Variants in KLF12 observed in about 807,000 individuals in gnomAD.
KLF12 encodes KLF transcription factor 12.
A neutral mutation model predicts 37.8 loss-of-function variants in KLF12; 9 were observed. The observed-to-expected ratio is 0.24, with a 90% CI of 0.14 to 0.42. The LOEUF is 0.42. KLF12 is among the 10% of genes least tolerant of loss of function. The pLI is 1.00. For synonymous variants in KLF12, 208 were observed against 202.1 expected, an observed-to-expected ratio of 1.03 and a Z score of -0.25; for missense variants, 411 against 516.0, an observed-to-expected ratio of 0.80 and a Z score of 1.97.
chr13:73,944,191 G>A lies in KLF12; in HGVS notation c.34-121C>T, dbSNP rs1214925623. ...CTAACCTAATTTTTTAAACAATAAA[G>A]AATAATTAAATGAAAATATCAGCAT... On this transcript the variant is annotated intron_variant, in intron 2 of 7. Coordinates refer to ENST00000377669, the MANE Select transcript of KLF12 (RefSeq NM_007249.5). 1.1e-5 allele frequency: 7 copies of A among 650,854 alleles called. No homozygotes were observed. The Admixed American group carries it at 2.1e-4, about 19-fold the overall frequency. 40.3% of individuals were successfully genotyped at this position (650,854 alleles called of 1,614,324 possible).
At chr13:73,863,541 T>G (rs1399380154) in intron 3 of KLF12, among the ~76,000 whole-genome samples, 1 of 152,168 alleles carries the variant, frequency 6.6e-6, no homozygotes, top group Non-Finnish European at 1.5e-5. Context: ...TTGTGGTTGT[T>G]ATTTTTTGTT....
intron 1 of KLF12, among the ~76,000 whole-genome samples, chr13:74,005,342 A>T (rs574021534): frequency 2.0e-5 from 3 of 152,258 alleles, no homozygotes; most frequent in African/African-American, 7.2e-5. Flanking sequence ...CTCTATAATC[A>T]TATGTACTAA....
chr13:74,001,074 A>G (rs1195929281), intron 1 of KLF12, among the ~76,000 whole-genome samples: 1 of 152,214 alleles, frequency 6.6e-6, no homozygotes, highest in Non-Finnish European at 1.5e-5. Flanking sequence ...TAAGTACCAT[A>G]AGTACTACCA....
chr13:73,866,886 G>GC lies in KLF12; in HGVS notation c.124-20514_124-20513insG, dbSNP rs1491109026. Among the ~76,000 whole-genome samples the GC allele has an allele frequency of 1.4e-3, 185 of 129,358 alleles. 1 individual carries two copies. Among genetic ancestry groups the GC allele is most frequent in the African/African-American group, 2.3e-3 (71 of 31,216 alleles). The allele number at this position is 129,358 out of a possible 152,430, so 84.9% of individuals were successfully genotyped here. A position where few individuals can be genotyped will look rare whatever the true frequency, so the allele number is the denominator to read the frequency against. ...TGAGGTTTAAAATGTGGGGCAAAAAGGGGGGGGGGAATTTATAGAGTTAAA... is the reference window on the plus strand; with the variant it reads ...TGAGGTTTAAAATGTGGGGCAAAAAGCGGGGGGGGGAATTTATAGAGTTAAA... On this transcript the variant is annotated intron_variant, in intron 3 of 7. Transcript: ENST00000377669.
At chr13:74,044,600 A>C (rs1251701068) in intron 1 of KLF12, among the ~76,000 whole-genome samples, 1 of 152,170 alleles carries the variant, frequency 6.6e-6, no homozygotes, top group African/African-American at 2.4e-5. Context: ...TAATCCCAGC[A>C]CTTTGGGAGG....
intron 3 of KLF12, among the ~76,000 whole-genome samples, chr13:73,867,414 GTA>G (rs3079803): frequency 0.023 from 3,423 of 148,012 alleles, 119 homozygotes; most frequent in African/African-American, 0.076. Flanking sequence ...ACGTGTGTGT[GTA>G]TATATATATA....
the KLF12 span, among the ~76,000 whole-genome samples, chr13:74,147,952 C>A: frequency 6.6e-6 from 1 of 151,876 alleles, no homozygotes; most frequent in Non-Finnish European, 1.5e-5. Context: ...CACTCTGTCG[C>A]CCAGGCTGGA....
chr13:74,212,209 T>C, the KLF12 span, among the ~76,000 whole-genome samples: 3 of 152,210 alleles, frequency 2.0e-5, no homozygotes, highest in Admixed American at 6.5e-5. Context: ...TGCATTTTCA[T>C]AGAAACAACC....
At chr13:73,786,052 G>A (rs901702555) in intron 5 of KLF12, among the ~76,000 whole-genome samples, 1 of 151,788 alleles carries the variant, frequency 6.6e-6, no homozygotes, top group Non-Finnish European at 1.5e-5. Flanking sequence ...GGTGAGCAGT[G>A]TTAGGGAGTT....
At chr13:73,855,897 A>C (rs1885585596) in intron 3 of KLF12, among the ~76,000 whole-genome samples, 1 of 152,246 alleles carries the variant, frequency 6.6e-6, no homozygotes, top group African/African-American at 2.4e-5. Context: ...ATACATTCAC[A>C]TAAACCAACA....
chr13:74,190,855 A>G, the KLF12 span, among the ~76,000 whole-genome samples: 3 of 151,954 alleles, frequency 2.0e-5, no homozygotes, highest in Non-Finnish European at 4.4e-5. Context: ...GGCCATATCA[A>G]CTCTTTCTTC....
chr13:74,156,627 C>A, the KLF12 span, among the ~76,000 whole-genome samples: 67 of 151,830 alleles, frequency 4.4e-4, no homozygotes, highest in African/African-American at 1.6e-3. Context: ...CCAAACCCCC[C>A]ACTTTCCTTC....
chr13:74,088,379 C>T (rs1308670531), intron 1 of KLF12, among the ~76,000 whole-genome samples: 1 of 151,992 alleles, frequency 6.6e-6, no homozygotes, highest in Non-Finnish European at 1.5e-5. Flanking sequence ...AGACATATGC[C>T]ACTATGCCTG....
chr13:73,879,951 C>T (rs898117315), intron 3 of KLF12, among the ~76,000 whole-genome samples: 22 of 152,204 alleles, frequency 1.4e-4, no homozygotes, highest in African/African-American at 5.1e-4. Context: ...CACTCCTCCA[C>T]AAGCTCCTTA....
At chr13:73,944,164 T>C in intron 2 of KLF12, 94 bp from the exon 3 acceptor site, 1 of 730,902 alleles carries the variant, frequency 1.4e-6, no homozygotes, top group Non-Finnish European at 2.4e-6. Flanking sequence ...CATTTAGTAT[T>C]GCTAACCTAA....
intron 1 of KLF12, among the ~76,000 whole-genome samples, chr13:74,090,902 A>G (rs891298626): frequency 2.0e-5 from 3 of 151,786 alleles, no homozygotes; most frequent in Non-Finnish European, 2.9e-5. Flanking sequence ...TAGAAATTGC[A>G]AGAGATCCAG....
At chr13:73,779,418 G>C (rs545826011) in intron 5 of KLF12, among the ~76,000 whole-genome samples, 1 of 152,250 alleles carries the variant, frequency 6.6e-6, no homozygotes, top group South Asian at 2.1e-4. Context: ...CTCCCTACAG[G>C]GCAGGGTTTG....
intron 7 of KLF12, among the ~76,000 whole-genome samples, chr13:73,707,726 G>A (rs1286597489): frequency 2.6e-5 from 4 of 152,106 alleles, no homozygotes; most frequent in Non-Finnish European, 5.9e-5. Context: ...AAGCACCTGC[G>A]AACAAAAGGC....
intron 4 of KLF12, among the ~76,000 whole-genome samples, chr13:73,815,721 C>T (rs1256265114): frequency 2.0e-5 from 3 of 152,106 alleles, no homozygotes; most frequent in African/African-American, 4.8e-5. Flanking sequence ...AATTTGCAAA[C>T]AGCCAAGAAA....
Sources: allele counts gnomAD v4.1 joint callset (sites outside exome capture counted in the v4.1 genomes callset), GRCh38; gene constraint gnomAD v4.1.1; transcripts MANE v1.5; gene names NCBI Gene and HGNC (gene_info 2026-07-23, HGNC 2026-07-21).